Variants in AHCYL2 observed in about 807,000 individuals in gnomAD.
AHCYL2 encodes the protein S-adenosylhomocysteine hydrolase-like protein 2.
AHCYL2 carries 28 observed loss-of-function variants against 81.4 expected under a neutral mutation model. That is an observed-to-expected ratio of 0.34 (90% CI 0.25 to 0.47). AHCYL2 has a LOEUF of 0.47. AHCYL2 is among the 20% of genes least tolerant of loss of function. The pLI is 1.00. For missense variants in AHCYL2, 551 were observed against 785.1 expected, an observed-to-expected ratio of 0.70 and a Z score of 3.56; for synonymous variants, 272 against 290.2, an observed-to-expected ratio of 0.94 and a Z score of 0.64.
At chr7:129,300,033 G>A (rs569581295) in intron 1 of AHCYL2, among the ~76,000 whole-genome samples, 170 of 152,082 alleles carry the variant, frequency 1.1e-3, no homozygotes, top group African/African-American at 3.7e-3. Context: ...TACATAGTAG[G>A]TGCATATATT....
chr7:129,329,465 AG>A (rs1798342445), intron 1 of AHCYL2, among the ~76,000 whole-genome samples: 1 of 152,010 alleles, frequency 6.6e-6, no homozygotes, highest in African/African-American at 2.4e-5. Context: ...TACAGGCATG[AG>A]CCATGAGCCA....
rs1032600622 is a variant in AHCYL2, at chr7:129,368,757, AGTTGCCTGGCCAGGGCTT to A, written c.364-10871_364-10854del. 5.3e-5 allele frequency among the ~76,000 whole-genome samples: 8 copies of A among 152,126 alleles called. 1 individual carries two copies. The highest frequency in any genetic ancestry group is 5.9e-5 in the Non-Finnish European group (4 of 68,020). ...TCCACGAAGCTGGGAAAGGTGTGAGAGTTGCCTGGCCAGGGCTTGTTGCCTGGTCATCTCTGGTGGGCA... is the reference window on the plus strand; with the variant it reads ...TCCACGAAGCTGGGAAAGGTGTGAGAGTTGCCTGGTCATCTCTGGTGGGCA... On this transcript the variant is annotated intron_variant, in intron 1 of 16. Transcript: ENST00000325006. The surrounding 1 kb of genome is among the most constrained non-coding windows in gnomAD (Gnocchi z 4.4).
At chr7:129,329,705 TC>T (rs757967091) in intron 1 of AHCYL2, among the ~76,000 whole-genome samples, 1 of 152,250 alleles carries the variant, frequency 6.6e-6, no homozygotes, top group Non-Finnish European at 1.5e-5. Context: ...TTCAGTTTCT[TC>T]ATTTGTAAAA....
At chr7:129,403,154 G>A (rs1288577242) in intron 6 of AHCYL2, among the ~76,000 whole-genome samples, 1 of 152,184 alleles carries the variant, frequency 6.6e-6, no homozygotes, top group East Asian at 1.9e-4. Flanking sequence ...GTTTGGCTGC[G>A]CGAATTACAA....
intron 1 of AHCYL2, among the ~76,000 whole-genome samples, chr7:129,263,468 T>C (rs1346995541): frequency 6.6e-6 from 1 of 152,270 alleles, no homozygotes; most frequent in Non-Finnish European, 1.5e-5. Flanking sequence ...TAATGGCATC[T>C]ATTTACATGT....
intron 1 of AHCYL2, among the ~76,000 whole-genome samples, chr7:129,238,449 T>C (rs1368569709): frequency 6.6e-6 from 1 of 152,190 alleles, no homozygotes; most frequent in African/African-American, 2.4e-5. Context: ...GCAAAAACCG[T>C]TTATTTGTTG....
intron 13 of AHCYL2, chr7:129,424,592 C>T (rs2150970070): frequency 2.1e-6 from 1 of 487,780 alleles, no homozygotes. Context: ...AAGAGAAGTA[C>T]ACTGATATTT....
chr7:129,342,364 A>G (rs1339538891), intron 1 of AHCYL2, among the ~76,000 whole-genome samples: 1 of 152,216 alleles, frequency 6.6e-6, no homozygotes, highest in Non-Finnish European at 1.5e-5. Flanking sequence ...AGTGACCAGA[A>G]TAATAGATTT....
chr7:129,370,936 A>T (rs1284121152), intron 1 of AHCYL2, among the ~76,000 whole-genome samples: 1 of 152,188 alleles, frequency 6.6e-6, no homozygotes, highest in Non-Finnish European at 1.5e-5. Context: ...TTTCTTTCAG[A>T]TACCACGTAA....
intron 1 of AHCYL2, among the ~76,000 whole-genome samples, chr7:129,337,409 T>A (rs1444972298): frequency 2.0e-5 from 3 of 152,096 alleles, no homozygotes; most frequent in East Asian, 1.9e-4. Flanking sequence ...TTTTATTTTT[T>A]ATTTTTTTGG....
intron 1 of AHCYL2, among the ~76,000 whole-genome samples, chr7:129,252,567 G>A (rs1276765382): frequency 6.6e-6 from 1 of 152,166 alleles, no homozygotes; most frequent in East Asian, 1.9e-4. Flanking sequence ...AGGAGTTTGA[G>A]ACCAGCCTAA....
At chr7:129,370,472 G>T (rs1794334924) in intron 1 of AHCYL2, among the ~76,000 whole-genome samples, 1 of 152,198 alleles carries the variant, frequency 6.6e-6, no homozygotes, top group Non-Finnish European at 1.5e-5. Flanking sequence ...GCCAGGGCGG[G>T]CAGATCACGA....
At chr7:129,375,152 T>TG (rs1274675896) in intron 1 of AHCYL2, among the ~76,000 whole-genome samples, 2 of 152,172 alleles carry the variant, frequency 1.3e-5, no homozygotes, top group African/African-American at 4.8e-5. Context: ...GCAACAATCT[T>TG]GAGCTGGGAC....
At chr7:129,294,292 A>G (rs957112986) in intron 1 of AHCYL2, among the ~76,000 whole-genome samples, 1 of 152,184 alleles carries the variant, frequency 6.6e-6, no homozygotes, top group African/African-American at 2.4e-5. Flanking sequence ...GTCTGACGGA[A>G]GTGCCAGGAA....
intron 1 of AHCYL2, among the ~76,000 whole-genome samples, chr7:129,252,167 C>A (rs1360842138): frequency 6.6e-6 from 1 of 152,194 alleles, no homozygotes; most frequent in Admixed American, 6.5e-5. Context: ...ACCCCTGATG[C>A]CATGACATAC....
At chr7:129,278,210 A>G (rs1796294382) in intron 1 of AHCYL2, among the ~76,000 whole-genome samples, 1 of 152,058 alleles carries the variant, frequency 6.6e-6, no homozygotes, top group Non-Finnish European at 1.5e-5. Flanking sequence ...CTTGTGGTAA[A>G]GTGTCTATTT....
chr7:129,419,788 C>T lies in AHCYL2; in HGVS notation c.1462-3052C>T, dbSNP rs747357669. On this transcript the variant is annotated intron_variant, in intron 12 of 16. Transcript: ENST00000325006. The surrounding 1 kb of genome is among the most constrained non-coding windows in gnomAD (Gnocchi z 4.7). ...TGCACTGTTCAGAATTATATAAGACCAATTTGTGCAAGCATAATGAGTGGC... is the reference window on the plus strand; with the variant it reads ...TGCACTGTTCAGAATTATATAAGACTAATTTGTGCAAGCATAATGAGTGGC... Among the ~76,000 whole-genome samples the T allele has an allele frequency of 9.2e-5, 14 of 151,802 alleles. No individual in the cohort carries two copies. Among genetic ancestry groups the T allele is most frequent in the Admixed American group, 9.2e-4 (14 of 15,242 alleles).
In AHCYL2 at chr7:129,419,916, C is replaced by T. The variant is rs1483907992; in HGVS notation, c.1462-2924C>T. Reference sequence around the variant, plus strand: ...GATTATAGGTCCACAGCAAAGACAACTGGATGTTTTTAAGAGAGATTCTTG... The same window carrying T: ...GATTATAGGTCCACAGCAAAGACAATTGGATGTTTTTAAGAGAGATTCTTG... On this transcript the variant is annotated intron_variant, in intron 12 of 16. Coordinates refer to ENST00000325006, the MANE Select transcript of AHCYL2 (RefSeq NM_015328.4). The surrounding 1 kb of genome is among the most constrained non-coding windows in gnomAD (Gnocchi z 4.7). Among the ~76,000 whole-genome samples, 1 of 152,130 alleles carries T rather than the reference C, an allele frequency of 6.6e-6. No individual in the cohort carries two copies. Among genetic ancestry groups the T allele is most frequent in the African/African-American group, 2.4e-5 (1 of 41,410 alleles).
Position 129,267,243 on chromosome 7 carries a change from G to GTA in AHCYL2, c.363+41805_363+41806insAT, listed in dbSNP as rs781500210. The stretch of plus-strand genomic sequence containing the variant: ...GTTCACTCAAGGGGTGTGTGTGTGT[G>GTA]TGTGTGTGTGTGTGTGTGTGTGTGT... On this transcript the variant is annotated intron_variant, in intron 1 of 16. Transcript: ENST00000325006. Among the ~76,000 whole-genome samples the GTA allele has an allele frequency of 8.9e-4, 133 of 149,510 alleles. 2 individuals carry two copies. Among genetic ancestry groups the GTA allele is most frequent in the African/African-American group, 2.5e-3 (103 of 40,876 alleles).
Sources: allele counts gnomAD v4.1 joint callset (sites outside exome capture counted in the v4.1 genomes callset), GRCh38; gene constraint gnomAD v4.1.1; non-coding constraint Gnocchi (gnomAD v3.1); transcripts MANE v1.5; gene names NCBI Gene and HGNC (gene_info 2026-07-23, HGNC 2026-07-21).